The following TRERF1 variants were observed in gnomAD, a reference collection of about 807,000 sequenced individuals.
The protein encoded by TRERF1 is transcriptional regulating factor 1, also known as transcriptional-regulating factor 1.
In TRERF1, 27 loss-of-function variants were observed where a neutral mutation model predicts 122.9. The ratio of observed to expected loss-of-function variants is 0.22; its 90% CI spans 0.16 to 0.30. The LOEUF is 0.30. TRERF1 is among the 10% of genes least tolerant of loss of function. The pLI is 1.00. For missense variants in TRERF1, 1,248 were observed against 1,560.3 expected, an observed-to-expected ratio of 0.80 and a Z score of 3.37; for synonymous variants, 636 against 641.7, an observed-to-expected ratio of 0.99 and a Z score of 0.13.
At chr6:42,430,085 G>A (rs1231222108) in intron 2 of TRERF1, among the ~76,000 whole-genome samples, 1 of 151,784 alleles carries the variant, frequency 6.6e-6, no homozygotes, top group East Asian at 1.9e-4. Context: ...GGAGGAATGA[G>A]GAGGAGAGCT....
At chr6:42,397,748 G>A (rs146747856) in intron 2 of TRERF1, among the ~76,000 whole-genome samples, 9 of 152,332 alleles carry the variant, frequency 5.9e-5, no homozygotes, top group African/African-American at 1.4e-4. Context: ...CCACTCAAGC[G>A]AAGTGTATGA....
At chr6:42,368,128 CCAAG>C (rs1470419872) in intron 2 of TRERF1, among the ~76,000 whole-genome samples, 1 of 152,074 alleles carries the variant, frequency 6.6e-6, no homozygotes, top group Non-Finnish European at 1.5e-5. Context: ...TCACAATCTC[CCAAG>C]TGCCCGTGGA....
intron 3 of TRERF1, among the ~76,000 whole-genome samples, chr6:42,319,548 A>G (rs1763039616): frequency 6.6e-6 from 1 of 152,180 alleles, no homozygotes; most frequent in Admixed American, 6.5e-5. Context: ...TGAGCCTGGC[A>G]CACTGGCTCA....
chr6:42,347,829 C>A (rs143974369), intron 3 of TRERF1, among the ~76,000 whole-genome samples: 5 of 152,332 alleles, frequency 3.3e-5, no homozygotes, highest in African/African-American at 1.2e-4. Flanking sequence ...CAAGGAGCAA[C>A]AGAGCTGGAC....
chr6:42,311,437 G>A (rs966354496), intron 3 of TRERF1, among the ~76,000 whole-genome samples: 8 of 151,986 alleles, frequency 5.3e-5, no homozygotes, highest in Admixed American at 2.0e-4. Context: ...CGGCAGGTGC[G>A]GTCAGCAAGG....
At chr6:42,361,618 G>A (rs908665484) in intron 3 of TRERF1, among the ~76,000 whole-genome samples, 1 of 152,126 alleles carries the variant, frequency 6.6e-6, no homozygotes, top group Non-Finnish European at 1.5e-5. Flanking sequence ...CTCACAGCCG[G>A]CACATCTACG....
At chr6:42,274,007 T>A (rs900086415) in intron 4 of TRERF1, among the ~76,000 whole-genome samples, 1 of 152,228 alleles carries the variant, frequency 6.6e-6, no homozygotes, top group Non-Finnish European at 1.5e-5. Flanking sequence ...CAGGAGGCTA[T>A]TCTTTATTTG....
Position 42,228,476 on chromosome 6 carries a change from C to T in TRERF1, c.3472G>A (p.Asp1158Asn), listed in dbSNP as rs1185841362. 6.2e-6 allele frequency: 10 copies of T among 1,614,090 alleles called. No individual in the cohort carries two copies. Among genetic ancestry groups the T allele is most frequent in the Non-Finnish European group, 7.6e-6 (9 of 1,180,044 alleles). The stretch of plus-strand genomic sequence containing the variant: ...ACGTCGTCGTCGAGGATGTCCACAT[C>T]CTTGATGGGTTTGATCAGACTCAGC... Residue 1158 changes from aspartate to asparagine, a missense_variant, in exon 18 of 18, where the codon GAT becomes AAT. Transcript: ENST00000372922. The surrounding 1 kb of genome is among the most constrained non-coding windows in gnomAD (Gnocchi z 4.2).
chr6:42,393,710 A>G lies in TRERF1; in HGVS notation c.-453-30631T>C, dbSNP rs752392331. Among the ~76,000 whole-genome samples the G allele has an allele frequency of 1.3e-5, 2 of 152,246 alleles. No individual in the cohort carries two copies. The highest frequency in any genetic ancestry group is 2.9e-5 in the Non-Finnish European group (2 of 68,036). On this transcript the variant is annotated intron_variant, in intron 2 of 17. Coordinates refer to ENST00000372922, the Ensembl canonical transcript of TRERF1. This position sits in a 1 kb window ranked among gnomAD's most constrained non-coding sequence, Gnocchi z 4.1. ...TGGAAGGCAATTTAGATGACTAAAT[A>G]TAGGGGAGCTGGTTAAATAAGTTAT...
At chr6:42,382,710 A>G (rs1163559202) in intron 2 of TRERF1, among the ~76,000 whole-genome samples, 1 of 150,058 alleles carries the variant, frequency 6.7e-6, no homozygotes, top group African/African-American at 2.5e-5. Context: ...TTTTTTTCAT[A>G]TTAACAACCA....
intron 2 of TRERF1, among the ~76,000 whole-genome samples, chr6:42,388,785 TACA>T (rs1777228183): frequency 6.6e-6 from 1 of 152,244 alleles, no homozygotes; most frequent in Non-Finnish European, 1.5e-5. Context: ...ATTCATTGTG[TACA>T]ACTTCACTGA....
chr6:42,448,730 T>G (rs944593977), intron 2 of TRERF1, among the ~76,000 whole-genome samples: 3 of 152,232 alleles, frequency 2.0e-5, no homozygotes, highest in Non-Finnish European at 4.4e-5. Context: ...CACCTTTCTT[T>G]CCAGTGATGT....
At chr6:42,336,944 G>A (rs1403289757) in intron 3 of TRERF1, among the ~76,000 whole-genome samples, 1 of 152,218 alleles carries the variant, frequency 6.6e-6, no homozygotes, top group Non-Finnish European at 1.5e-5. Context: ...CGGCTCTATG[G>A]AGCCTTGGCT....
chr6:42,333,596 C>G (rs1765616201), intron 3 of TRERF1, among the ~76,000 whole-genome samples: 3 of 152,322 alleles, frequency 2.0e-5, no homozygotes, highest in African/African-American at 7.2e-5. Context: ...GACCTCTGGT[C>G]TCTGGACAAG....
intron 4 of TRERF1, among the ~76,000 whole-genome samples, chr6:42,274,644 A>T (rs1055113694): frequency 1.3e-5 from 2 of 152,074 alleles, no homozygotes; most frequent in Non-Finnish European, 2.9e-5. Flanking sequence ...AAGCCATTTC[A>T]CTCCAGCCTG....
intron 2 of TRERF1, among the ~76,000 whole-genome samples, chr6:42,371,727 CCT>C (rs1425087948): frequency 2.0e-5 from 3 of 152,118 alleles, no homozygotes; most frequent in Non-Finnish European, 4.4e-5. Context: ...GCATTCAGCC[CCT>C]GTCCTATAAG....
At chr6:42,451,215 GAGA>G (rs1407992538) in exon 2 of TRERF1, 2 of 152,706 alleles carry the variant, frequency 1.3e-5, no homozygotes, top group Admixed American at 6.5e-5. Context: ...GCAATCCGAC[GAGA>G]AGACCAGTAT....
At chr6:42,347,635 C>T (rs1055917794) in intron 3 of TRERF1, among the ~76,000 whole-genome samples, 1 of 152,208 alleles carries the variant, frequency 6.6e-6, no homozygotes, top group African/African-American at 2.4e-5. Flanking sequence ...CAACTGATCA[C>T]CGCTTCTCCT....
At chr6:42,252,722 C>A (rs1167252289) in intron 13 of TRERF1, among the ~76,000 whole-genome samples, 1 of 152,176 alleles carries the variant, frequency 6.6e-6, no homozygotes, top group Non-Finnish European at 1.5e-5. Flanking sequence ...GAAGATTCTG[C>A]TGCCTCCCCT....
Sources: allele counts gnomAD v4.1 joint callset (sites outside exome capture counted in the v4.1 genomes callset), GRCh38; gene constraint gnomAD v4.1.1; non-coding constraint Gnocchi (gnomAD v3.1); transcripts MANE v1.5; gene names NCBI Gene and HGNC (gene_info 2026-07-23, HGNC 2026-07-21).